The following LGI1 variants were observed in gnomAD, a reference collection of about 807,000 sequenced individuals.
LGI1 encodes leucine rich glioma inactivated 1.
In LGI1, 11 loss-of-function variants were observed where a neutral mutation model predicts 57.7. That is an observed-to-expected ratio of 0.19 (90% CI 0.12 to 0.32). LGI1 has a LOEUF of 0.32. Among genes scored for constraint, LGI1 ranks in the 10% least tolerant of loss-of-function variants. The pLI, the probability that LGI1 is intolerant of heterozygous loss-of-function variation, is 1.00. For missense variants in LGI1, 422 were observed against 661.9 expected, an observed-to-expected ratio of 0.64 and a Z score of 3.98; for synonymous variants, 222 against 241.9, an observed-to-expected ratio of 0.92 and a Z score of 0.76.
At chr10:93,793,634 T>G (rs976727922) in intron 7 of LGI1, among the ~76,000 whole-genome samples, 3 of 152,236 alleles carry the variant, frequency 2.0e-5, no homozygotes, top group Non-Finnish European at 4.4e-5. Flanking sequence ...TATTTGATTA[T>G]TTTTCTTCAA....
chr10:93,792,010 G>A (rs2059941364), intron 5 of LGI1: 1 of 152,306 alleles, frequency 6.6e-6, no homozygotes, highest in African/African-American at 2.4e-5. Context: ...AGACCTTATG[G>A]TCACTGAGCA....
At chr10:93,776,927 A>T (rs1361037800) in intron 2 of LGI1, 1 of 212,562 alleles carries the variant, frequency 4.7e-6, no homozygotes, top group Non-Finnish European at 9.5e-6. Flanking sequence ...ACGAGATGTC[A>T]CAGCACAACC....
At chr10:93,781,653 A>G (rs954403951) in intron 4 of LGI1, among the ~76,000 whole-genome samples, 3 of 152,220 alleles carry the variant, frequency 2.0e-5, no homozygotes, top group African/African-American at 4.8e-5. Flanking sequence ...TCTGATGAAT[A>G]TATGTTATTT....
intron 2 of LGI1, among the ~76,000 whole-genome samples, chr10:93,774,257 C>A (rs1220745380): frequency 6.6e-6 from 1 of 151,998 alleles, no homozygotes; most frequent in African/African-American, 2.4e-5. Flanking sequence ...CAGGTGACAC[C>A]CCACGTTTAG....
In LGI1 at chr10:93,758,584, C is replaced by G. The variant is rs2059589324; in HGVS notation, c.216-176C>G. ...AGCCCTGAACATTATCATGAGAAAC[C>G]TGTAGCCGATTCATTTCTCTTACTT... On this transcript the variant is annotated intron_variant, in intron 1 of 7. Transcript: ENST00000371418. The surrounding 1 kb of genome is among the most constrained non-coding windows in gnomAD (Gnocchi z 4.7). 1.4e-6 allele frequency: 1 copy of G among 690,814 alleles called. No individual in the cohort carries two copies. The highest frequency in any genetic ancestry group is 2.5e-6 in the Non-Finnish European group (1 of 399,996). The allele number at this position is 690,814 out of a possible 1,614,324, so 42.8% of individuals were successfully genotyped here. A position where few individuals can be genotyped will look rare whatever the true frequency, so the allele number is the denominator to read the frequency against.
intron 7 of LGI1, 147 bp downstream of exon 7, chr10:93,793,497 C>A: frequency 2.8e-6 from 2 of 707,422 alleles, no homozygotes; most frequent in Non-Finnish European, 4.9e-6. Flanking sequence ...GTTCTCTAAG[C>A]CATAATTTCC....
At position 93,794,673 on chromosome 10, in the gene LGI1, C is replaced by T. The variant is rs1372433866; in HGVS notation, c.838+1323C>T. Reference sequence around the variant, plus strand: ...AACCACCTTGCCTGGGCTTACTTAGCTGATCTCTTAAGTTTCTTTCCCATT... The same window carrying T: ...AACCACCTTGCCTGGGCTTACTTAGTTGATCTCTTAAGTTTCTTTCCCATT... On this transcript the variant is annotated intron_variant, in intron 7 of 7. Transcript: ENST00000371418. The T allele has an allele frequency of 2.6e-5, 4 of 152,236 alleles. No individual in the cohort carries two copies. The East Asian group carries it at 7.7e-4, about 29-fold the overall frequency. The allele number at this position is 152,236 out of a possible 1,614,324, so 9.4% of individuals were successfully genotyped here.
intron 7 of LGI1, 94 bp downstream of exon 7, chr10:93,793,444 CATTTGA>C: frequency 9.3e-7 from 1 of 1,073,876 alleles, no homozygotes; most frequent in Non-Finnish European, 1.4e-6. Context: ...AATGCTTTAG[CATTTGA>C]ATTCCAACTC....
intron 2 of LGI1, chr10:93,769,046 A>T (rs1750310483): frequency 6.6e-6 from 1 of 152,230 alleles, no homozygotes; most frequent in South Asian, 2.1e-4. Flanking sequence ...GCATATTTTT[A>T]AATATTCAAA....
intron 4 of LGI1, among the ~76,000 whole-genome samples, chr10:93,787,399 C>G (rs781125759): frequency 6.6e-6 from 1 of 152,196 alleles, no homozygotes; most frequent in Non-Finnish European, 1.5e-5. Flanking sequence ...TCGGGCCAGC[C>G]TGTCCTTCTC....
chr10:93,783,786 C>T (rs1004394198), intron 4 of LGI1, among the ~76,000 whole-genome samples: 10 of 152,134 alleles, frequency 6.6e-5, no homozygotes, highest in African/African-American at 1.9e-4. Context: ...CCAAGGCGGG[C>T]GGATCACTTG....
chr10:93,770,243 T>C (rs1008617454), intron 2 of LGI1: 3 of 152,294 alleles, frequency 2.0e-5, no homozygotes, highest in Non-Finnish European at 4.4e-5. Flanking sequence ...TGGTATGCTC[T>C]AGGACACAGA....
chr10:93,782,565 G>T (rs1039204728), intron 4 of LGI1, among the ~76,000 whole-genome samples: 1 of 151,544 alleles, frequency 6.6e-6, no homozygotes, highest in Admixed American at 6.6e-5. Flanking sequence ...TGAAATTTAA[G>T]TAACTACAAA....
At chr10:93,780,626 G>A (rs1486683875) in intron 4 of LGI1, among the ~76,000 whole-genome samples, 3 of 152,130 alleles carry the variant, frequency 2.0e-5, no homozygotes, top group Admixed American at 6.5e-5. Context: ...ATAGATGAAC[G>A]AGCAAGTGGA....
intron 2 of LGI1, among the ~76,000 whole-genome samples, chr10:93,773,549 T>C (rs2059761381): frequency 6.6e-6 from 1 of 152,214 alleles, no homozygotes; most frequent in Non-Finnish European, 1.5e-5. Context: ...AAGATCATTA[T>C]TCAAAGAATA....
At chr10:93,795,896 A>AT (rs1720616958) in intron 7 of LGI1, among the ~76,000 whole-genome samples, 1 of 152,238 alleles carries the variant, frequency 6.6e-6, no homozygotes, top group South Asian at 2.1e-4. Flanking sequence ...AAATAAAACT[A>AT]TTTTGCCTAT....
chr10:93,784,625 T>A (rs2059880786), intron 4 of LGI1, among the ~76,000 whole-genome samples: 2 of 152,176 alleles, frequency 1.3e-5, no homozygotes, highest in South Asian at 4.1e-4. Flanking sequence ...GTCTTTTTCC[T>A]GACAACTCTG....
chr10:93,777,659 G>A (rs1184568942), intron 4 of LGI1, 42 bp downstream of exon 4: 3 of 1,500,582 alleles, frequency 2.0e-6, no homozygotes, highest in East Asian at 2.3e-5. Context: ...CTTGCTAATG[G>A]ACAATGCAGT....
At chr10:93,765,841 G>C (rs1452742384) in intron 2 of LGI1, among the ~76,000 whole-genome samples, 1 of 151,888 alleles carries the variant, frequency 6.6e-6, no homozygotes, top group African/African-American at 2.4e-5. Flanking sequence ...GTGGTGGCGG[G>C]CGCCTGTAGT....
Sources: gnomAD v4.1 joint callset for allele counts (sites outside exome capture counted in the v4.1 genomes callset) on GRCh38, gnomAD v4.1.1 for gene constraint, Gnocchi (gnomAD v3.1) non-coding constraint, MANE v1.5 for transcripts, NCBI Gene and HGNC (gene_info 2026-07-23, HGNC 2026-07-21) for gene names.